Variants in GRM7 observed in about 807,000 individuals in gnomAD.
The protein encoded by GRM7 is metabotropic glutamate receptor 7.
In GRM7, 35 loss-of-function variants were observed where a neutral mutation model predicts 84.5. The ratio of observed to expected loss-of-function variants is 0.41; its 90% CI spans 0.32 to 0.55. GRM7 has a LOEUF of 0.55. Ranked by LOEUF, GRM7 falls within the 20% of genes least tolerant of loss-of-function variation. GRM7 has a pLI of 0.19. For synonymous variants in GRM7, 487 were observed against 455.1 expected, an observed-to-expected ratio of 1.07 and a Z score of -0.89; for missense variants, 1,003 against 1,194.6, an observed-to-expected ratio of 0.84 and a Z score of 2.36.
At position 7,588,670 on chromosome 3, in the gene GRM7, T is replaced by C. The variant is rs557807712; in HGVS notation, c.2451+9313T>C. 1.1e-4 allele frequency among the ~76,000 whole-genome samples: 16 copies of C among 152,296 alleles called. No homozygotes were observed. In the East Asian group the frequency reaches 3.1e-3, roughly 29 times the overall value. ...GCAAGGAATGTAAAAGACAAGTTCA[T>C]GCCACTACACTAGCACTTCCTTGAA... On this transcript the variant is annotated intron_variant, in intron 8 of 9. Coordinates refer to ENST00000357716, the MANE Select transcript of GRM7 (RefSeq NM_000844.4).
chr3:7,259,951 C>CTTTTTTTTTTTTTTTT (rs1559534237), intron 2 of GRM7, among the ~76,000 whole-genome samples: 4 of 13,422 alleles, frequency 3.0e-4, no homozygotes, highest in African/African-American at 2.2e-3. Context: ...TTACCAGCAT[C>CTTTTTTTTTTTTTTTT]TGTTTTTTTT....
intron 2 of GRM7, among the ~76,000 whole-genome samples, chr3:7,224,092 T>C (rs1278843223): frequency 6.6e-6 from 1 of 152,152 alleles, no homozygotes; most frequent in African/African-American, 2.4e-5. Flanking sequence ...TCTTACACTC[T>C]TATAAAGAAA....
intron 8 of GRM7, among the ~76,000 whole-genome samples, chr3:7,603,197 C>T (rs554299639): frequency 6.6e-6 from 1 of 152,248 alleles, no homozygotes; most frequent in African/African-American, 2.4e-5. Flanking sequence ...GCTTAGATTT[C>T]TTTCCCAAAG....
chr3:7,427,753 A>T (rs1430521635), intron 5 of GRM7, among the ~76,000 whole-genome samples: 2 of 152,138 alleles, frequency 1.3e-5, no homozygotes, highest in African/African-American at 4.8e-5. Context: ...CCCCTCTGAG[A>T]TCATTTTTGC....
At chr3:7,690,182 C>T (rs162783) in intron 9 of GRM7, among the ~76,000 whole-genome samples, 38 of 151,930 alleles carry the variant, frequency 2.5e-4, no homozygotes, top group Non-Finnish European at 5.2e-4. Context: ...ATACCGTTTT[C>T]GGGAATGAAA....
intron 4 of GRM7, among the ~76,000 whole-genome samples, chr3:7,372,160 C>T (rs1341607761): frequency 6.6e-6 from 1 of 152,024 alleles, no homozygotes; most frequent in East Asian, 1.9e-4. Context: ...GGAAGGAGCT[C>T]CTGCCAACTA....
intron 7 of GRM7, among the ~76,000 whole-genome samples, chr3:7,462,200 A>G (rs192379589): frequency 7.9e-5 from 12 of 152,278 alleles, no homozygotes; most frequent in Admixed American, 5.9e-4. Context: ...CCCACTTTCT[A>G]TAAAATGTGA....
intron 1 of GRM7, among the ~76,000 whole-genome samples, chr3:7,067,984 A>C (rs9847004): frequency 0.26 from 39,504 of 151,862 alleles, 5,900 homozygotes; most frequent in African/African-American, 0.41. Flanking sequence ...CAGAACAACT[A>C]TTCAGAACAA....
intron 2 of GRM7, among the ~76,000 whole-genome samples, chr3:7,263,940 G>A (rs572395306): frequency 2.1e-4 from 32 of 152,254 alleles, no homozygotes; most frequent in African/African-American, 6.7e-4. Flanking sequence ...GGGGGTGGCC[G>A]TGGGCGAGTG....
In GRM7 at chr3:6,901,604, T is replaced by TAAAAAAAA. The variant is rs33945077; in HGVS notation, c.519+39723_519+39730dup. Among the ~76,000 whole-genome samples, 197 of 40,482 alleles carry TAAAAAAAA rather than the reference T, an allele frequency of 4.9e-3. 12 individuals carry two copies. The highest frequency in any genetic ancestry group is 6.7e-3 in the Non-Finnish European group (156 of 23,144). 26.6% of individuals were successfully genotyped at this position (40,482 alleles called of 152,430 possible). The stretch of plus-strand genomic sequence containing the variant: ...CCTGGTGACAGAGCAAGACTCCGTC[T>TAAAAAAAA]AAAAAAAAAAAAAAAAAAAAAAAAA... On this transcript the variant is annotated intron_variant, in intron 1 of 9. Transcript: ENST00000357716.
chr3:7,698,024 C>CTCTT (rs1174681492), intron 9 of GRM7, among the ~76,000 whole-genome samples: 1 of 152,190 alleles, frequency 6.6e-6, no homozygotes, highest in Non-Finnish European at 1.5e-5. Flanking sequence ...AGAGTGGTTA[C>CTCTT]TCTTGTTAGG....
intron 4 of GRM7, among the ~76,000 whole-genome samples, chr3:7,392,854 C>G (rs1559289827): frequency 1.3e-5 from 2 of 152,168 alleles, no homozygotes; most frequent in Non-Finnish European, 2.9e-5. Context: ...CTAGTTGCAT[C>G]TTAGTCTCAC....
intron 1 of GRM7, among the ~76,000 whole-genome samples, chr3:7,025,502 T>C (rs912457623): frequency 4.6e-5 from 7 of 152,302 alleles, no homozygotes; most frequent in Admixed American, 2.6e-4. Flanking sequence ...TCTGCAGAAG[T>C]GTCTTCAAAG....
At chr3:7,636,132 A>G in intron 8 of GRM7, 2 of 428,804 alleles carry the variant, frequency 4.7e-6, no homozygotes, top group Non-Finnish European at 9.5e-6. Flanking sequence ...GAGGTTGTTC[A>G]TTTTGATGCA....
chr3:7,411,947 T>C (rs897307440), intron 4 of GRM7, among the ~76,000 whole-genome samples: 2 of 152,112 alleles, frequency 1.3e-5, no homozygotes, highest in Admixed American at 1.3e-4. Context: ...CCCTAATCAA[T>C]GCCTCTCTCT....
chr3:7,132,744 T>G (rs747370510), intron 1 of GRM7, among the ~76,000 whole-genome samples: 2 of 152,190 alleles, frequency 1.3e-5, no homozygotes. Context: ...TCTTTTACAA[T>G]GAGAATGTGC....
chr3:7,705,922 C>T lies in GRM7; in HGVS notation c.2698+25627C>T, dbSNP rs192296798. Among the ~76,000 whole-genome samples the T allele has an allele frequency of 3.1e-3, 474 of 152,296 alleles. 7 individuals are homozygous for T. The highest frequency in any genetic ancestry group is 0.02 in the Middle Eastern group (6 of 294). ...ATGTATCTAAAATAAATCACTCTAG[C>T]TGCCACATGGAACAATTCAGCTTGG... On this transcript the variant is annotated intron_variant, in intron 9 of 9. Coordinates refer to ENST00000357716, the MANE Select transcript of GRM7 (RefSeq NM_000844.4).
intron 4 of GRM7, among the ~76,000 whole-genome samples, chr3:7,321,056 C>T (rs1286180946): frequency 6.6e-6 from 1 of 151,876 alleles, no homozygotes; most frequent in Non-Finnish European, 1.5e-5. Flanking sequence ...CTTTAGGCCT[C>T]ACTGCTATTG....
In GRM7 at chr3:7,053,853, T is replaced by C. The variant is rs1012075491; in HGVS notation, c.520-92599T>C. On this transcript the variant is annotated intron_variant, in intron 1 of 9. Coordinates refer to ENST00000357716, the MANE Select transcript of GRM7 (RefSeq NM_000844.4). ...GTTATGGTTATTATAGGCCCTTTACTTTCCCATATAAATTTTAAAATCAGT... is the reference window on the plus strand; with the variant it reads ...GTTATGGTTATTATAGGCCCTTTACCTTCCCATATAAATTTTAAAATCAGT... Among the ~76,000 whole-genome samples, 13 of 151,524 alleles carry C rather than the reference T, an allele frequency of 8.6e-5. 1 individual carries two copies. Among genetic ancestry groups the C allele is most frequent in the Admixed American group, 3.9e-4 (6 of 15,198 alleles).
Sources: allele counts gnomAD v4.1 joint callset (sites outside exome capture counted in the v4.1 genomes callset), GRCh38; gene constraint gnomAD v4.1.1; transcripts MANE v1.5; gene names NCBI Gene and HGNC (gene_info 2026-07-23, HGNC 2026-07-21).